Variants in MYOF observed in about 807,000 individuals in gnomAD.
MYOF encodes the protein fer-1-like 3, myoferlin.
MYOF carries 244 observed loss-of-function variants against 284.2 expected under a neutral mutation model. The observed-to-expected ratio is 0.86, with a 90% CI of 0.77 to 0.95. The LOEUF (loss-of-function observed/expected upper bound fraction) is 0.95. Ranked by LOEUF, MYOF falls within the 40% of genes least tolerant of loss-of-function variation. MYOF has a pLI of 0.00. For missense variants in MYOF, 2,496 were observed against 2,560.6 expected (o/e 0.97, Z 0.54); for synonymous variants, 904 against 919.7 (o/e 0.98, Z 0.31).
At position 93,392,908 on chromosome 10, in the gene MYOF, A is replaced by C; in HGVS notation, c.1456+9T>G. On this transcript the variant is annotated intron_variant, in intron 17 of 53. Coordinates refer to ENST00000359263, the MANE Select transcript of MYOF (RefSeq NM_013451.4). ...GATATAACAGAGAGCAAAATTACGA[A>C]GCATAAACCTGTATATGATGCAGCC... 1 of 1,608,002 alleles carries C rather than the reference A, an allele frequency of 6.2e-7. No homozygotes were observed. The highest frequency in any genetic ancestry group is 8.5e-7 in the Non-Finnish European group (1 of 1,175,202).
intron 45 of MYOF, 51 bp from the exon 46 acceptor site, chr10:93,326,016 A>C (rs777862040): frequency 6.2e-7 from 1 of 1,611,380 alleles, no homozygotes; most frequent in African/African-American, 1.3e-5. Flanking sequence ...GGAATAGTTC[A>C]GCCAGATTGC....
intron 2 of MYOF, among the ~76,000 whole-genome samples, chr10:93,454,561 C>A (rs1175269040): frequency 6.6e-6 from 1 of 152,174 alleles, no homozygotes; most frequent in Non-Finnish European, 1.5e-5. Flanking sequence ...CAATGACCAA[C>A]CCAAGGGGCC....
chr10:93,424,469 C>T (rs183634839), intron 5 of MYOF, among the ~76,000 whole-genome samples: 6 of 151,488 alleles, frequency 4.0e-5, no homozygotes, highest in East Asian at 3.9e-4. Flanking sequence ...TTTTTTTTGT[C>T]ATCACTGCTG....
chr10:93,431,315 G>A, intron 4 of MYOF, 93 bp downstream of exon 4: 1 of 1,036,876 alleles, frequency 9.6e-7, no homozygotes, highest in Non-Finnish European at 1.5e-6. Flanking sequence ...TTACAGGTGT[G>A]AGCCACCACG....
chr10:93,317,798 ACAGC>A (rs1311961886), intron 49 of MYOF, among the ~76,000 whole-genome samples: 1 of 152,222 alleles, frequency 6.6e-6, no homozygotes, highest in African/African-American at 2.4e-5. Flanking sequence ...AAACATCTTT[ACAGC>A]TCAGGTACAC....
chr10:93,469,298 G>A (rs1261432798), intron 1 of MYOF, among the ~76,000 whole-genome samples: 2 of 152,138 alleles, frequency 1.3e-5, no homozygotes, highest in Non-Finnish European at 1.5e-5. Context: ...CTACTTGGGA[G>A]GCTGAGGCAG....
At chr10:93,366,692 A>G (rs1210121254) in intron 25 of MYOF, 137 bp from the exon 26 acceptor site, 1 of 693,102 alleles carries the variant, frequency 1.4e-6, no homozygotes, top group South Asian at 2.0e-5. Context: ...CTCAGAAGGT[A>G]TGGACCTAAC....
Position 93,404,155 on chromosome 10 carries a change from AC to A in MYOF, c.792+1del, listed in dbSNP as rs1847433585. ...AGTACCTTCCTACTTGCTGACCCTTACCCGGATGCTGATGATCTCATCCATC... is the reference window on the plus strand; with the variant it reads ...AGTACCTTCCTACTTGCTGACCCTTACCGGATGCTGATGATCTCATCCATC... On this transcript the variant is annotated splice_donor_variant, in intron 8 of 53. Transcript: ENST00000359263. LOFTEE classifies it high-confidence loss of function. 1 of 1,614,014 alleles carries A rather than the reference AC, an allele frequency of 6.2e-7. No homozygotes were observed. The highest frequency in any genetic ancestry group is 8.5e-7 in the Non-Finnish European group (1 of 1,180,006).
Position 93,396,243 on chromosome 10 carries a change from T to A in MYOF, c.1335-19A>T, listed in dbSNP as rs966049466. The A allele has an allele frequency of 2.0e-6, 3 of 1,512,250 alleles. No individual in the cohort carries two copies. Among genetic ancestry groups the A allele is most frequent in the Admixed American group, 3.8e-5 (2 of 52,196 alleles). The allele number at this position is 1,512,250 out of a possible 1,614,324, so 93.7% of individuals were successfully genotyped here. ...ACGGTCCCTGTGTAAAAAATAAAAATAAAAAAATAAAAAATAAAAGGTTCA... is the reference window on the plus strand; with the variant it reads ...ACGGTCCCTGTGTAAAAAATAAAAAAAAAAAAATAAAAAATAAAAGGTTCA... On this transcript the variant is annotated intron_variant, in intron 15 of 53. Transcript: ENST00000359263.
At chr10:93,457,804 G>C (rs1025875398) in intron 1 of MYOF, among the ~76,000 whole-genome samples, 1 of 150,986 alleles carries the variant, frequency 6.6e-6, no homozygotes, top group African/African-American at 2.4e-5. Flanking sequence ...CACTATTTCG[G>C]CTCACTGCAA....
At chr10:93,356,906 T>C in intron 29 of MYOF, 58 bp from the exon 30 acceptor site, 1 of 1,502,994 alleles carries the variant, frequency 6.7e-7, no homozygotes. Context: ...TTCCTTATTT[T>C]GATAAAACAG....
At chr10:93,380,134 T>C in intron 20 of MYOF, 147 bp from the exon 21 acceptor site, 1 of 1,021,536 alleles carries the variant, frequency 9.8e-7, no homozygotes. Flanking sequence ...TTGACTCAAT[T>C]AAGCAACTGA....
At chr10:93,434,504 A>G (rs1471363992) in intron 3 of MYOF, among the ~76,000 whole-genome samples, 2 of 152,018 alleles carry the variant, frequency 1.3e-5, no homozygotes, top group Non-Finnish European at 2.9e-5. Flanking sequence ...CAGAGGGACA[A>G]TAGGGAACTT....
Position 93,355,702 on chromosome 10 carries a change from C to T in MYOF, c.3329G>A (p.Ser1110Asn). 6.2e-7 allele frequency: 1 copy of T among 1,613,270 alleles called. No homozygotes were observed. Among genetic ancestry groups the T allele is most frequent in the East Asian group, 2.2e-5 (1 of 44,892 alleles). The stretch of plus-strand genomic sequence containing the variant: ...GGCACTGTGCTTCTGTTTCTCCAGG[C>T]TCTTCTCATCCCCATCTTCGGTAGT... ...ADTTEDGDEK[S>N]LEKQKHSATT... The change falls in exon 31 of 54, where the codon AGC (serine) becomes AAC (asparagine). Residue 1110 changes from serine (S) to asparagine (N), a missense_variant. Transcript: ENST00000359263.
intron 27 of MYOF, among the ~76,000 whole-genome samples, chr10:93,362,041 TG>T: frequency 6.8e-6 from 1 of 148,070 alleles, no homozygotes; most frequent in Admixed American, 6.7e-5. Flanking sequence ...CTCTGCCTCC[TG>T]GGTTCAAGCA....
intron 22 of MYOF, 73 bp downstream of exon 22, chr10:93,377,250 G>C: frequency 4.6e-6 from 5 of 1,090,470 alleles, no homozygotes; most frequent in Non-Finnish European, 7.0e-6. Flanking sequence ...CAATTCCACA[G>C]GATTTACAGT....
chr10:93,387,850 G>A lies in MYOF; in HGVS notation c.1645C>T (p.Pro549Ser). The stretch of plus-strand genomic sequence containing the variant: ...ATGGGCTCAAGCTTTTTATCTGGTG[G>A]TGTCTTCTCAAGAAAAGTGGCTAAT... ...VELATFLEKT[P>S]PDKKLEPISN... Residue 549 changes from proline to serine, a missense_variant, in exon 19 of 54, where the codon CCA becomes TCA. Pro to Ser is a moderately conservative substitution (Grantham distance 74). Coordinates refer to ENST00000359263, the MANE Select transcript of MYOF (RefSeq NM_013451.4). 6.2e-7 allele frequency: 1 copy of A among 1,614,082 alleles called. No homozygotes were observed. Among genetic ancestry groups the A allele is most frequent in the Non-Finnish European group, 8.5e-7 (1 of 1,180,016 alleles).
At chr10:93,427,854 G>A (rs1031031105) in intron 4 of MYOF, among the ~76,000 whole-genome samples, 1 of 150,720 alleles carries the variant, frequency 6.6e-6, no homozygotes, top group Non-Finnish European at 1.5e-5. Flanking sequence ...TTAGGGCAGA[G>A]TTTGCTGTAT....
At chr10:93,357,726 C>T (rs1317883338) in intron 29 of MYOF, among the ~76,000 whole-genome samples, 1 of 152,140 alleles carries the variant, frequency 6.6e-6, no homozygotes, top group Non-Finnish European at 1.5e-5. Context: ...CCTCTAGTAA[C>T]ATAAATAGTA....
Sources: allele counts gnomAD v4.1 joint callset (sites outside exome capture counted in the v4.1 genomes callset), GRCh38; gene constraint gnomAD v4.1.1; transcripts MANE v1.5; gene names NCBI Gene and HGNC (gene_info 2026-07-23, HGNC 2026-07-21).